PRPS1: variants seen among roughly 807,000 people sequenced by gnomAD.
PRPS1 encodes the protein phosphoribosyl pyrophosphate synthetase 1, also known as ribose-phosphate pyrophosphokinase 1.
A neutral mutation model predicts 16.9 loss-of-function variants in PRPS1; 1 was observed. The observed-to-expected ratio is 0.06, with a 90% CI of 0.02 to 0.28. The LOEUF is 0.28. Ranked by LOEUF, PRPS1 falls within the 10% of genes least tolerant of loss-of-function variation. The pLI is 1.00. For missense variants in PRPS1, 47 were observed against 254.0 expected, an observed-to-expected ratio of 0.19 and a Z score of 5.54; for synonymous variants, 70 against 90.2, an observed-to-expected ratio of 0.78 and a Z score of 1.27.
intron 1 of PRPS1, 98 bp from the exon 2 acceptor site, chrX:107,639,197 C>T (rs1471616949): frequency 2.0e-6 from 2 of 1,011,675 alleles, no homozygotes; most frequent in Admixed American, 2.2e-5. Context: ...TTTCAATCCA[C>T]ACTTGGTTGA....
chrX:107,634,021 A>C (rs960900983), intron 1 of PRPS1, among the ~76,000 whole-genome samples: 1 of 112,145 alleles, frequency 8.9e-6, no homozygotes, highest in Non-Finnish European at 1.9e-5. Context: ...TAGCAGTGAT[A>C]ATTTAATTTT....
intron 6 of PRPS1, among the ~76,000 whole-genome samples, chrX:107,648,102 T>C (rs753900666): frequency 8.9e-6 from 1 of 111,918 alleles, no homozygotes; most frequent in Non-Finnish European, 1.9e-5. Context: ...TACTTTACAG[T>C]ATGTGTTTGT....
intron 1 of PRPS1, among the ~76,000 whole-genome samples, chrX:107,634,741 T>A (rs1360687443): frequency 1.8e-5 from 2 of 111,686 alleles, no homozygotes; most frequent in Non-Finnish European, 3.8e-5. Flanking sequence ...ATTTTTTATA[T>A]TGACTGATAG....
At chrX:107,638,723 A>ATATTTTATTTTATTT (rs749021712) in intron 1 of PRPS1, among the ~76,000 whole-genome samples, 1 of 108,620 alleles carries the variant, frequency 9.2e-6, no homozygotes, top group African/African-American at 3.4e-5. Flanking sequence ...GCCCTCCCAT[A>ATATTTTATTTTATTT]TATTTTATTT....
intron 6 of PRPS1, among the ~76,000 whole-genome samples, chrX:107,648,531 G>T (rs1426901880): frequency 1.9e-5 from 2 of 106,383 alleles, no homozygotes; most frequent in Non-Finnish European, 3.9e-5. Context: ...CAATCATCCT[G>T]TCTCAGCCTC....
At position 107,650,455 on chromosome X, in the gene PRPS1, T is replaced by A. The variant is rs1397267425; in HGVS notation, c.*423T>A. The A allele has an allele frequency of 4.3e-5, 14 of 327,776 alleles. No individual in the cohort carries two copies. Among genetic ancestry groups the A allele is most frequent in the Non-Finnish European group, 6.2e-5 (12 of 193,428 alleles). 27.0% of individuals were successfully genotyped at this position (327,776 alleles called of 1,213,427 possible). ...GTTCTCCCCAAGGTCTATGCTAAATTATAGCAAGAGCCCTGGGCAACCCCA... is the reference window on the plus strand; with the variant it reads ...GTTCTCCCCAAGGTCTATGCTAAATAATAGCAAGAGCCCTGGGCAACCCCA... On this transcript the variant is annotated 3_prime_UTR_variant, in exon 7 of 7. Coordinates refer to ENST00000372435, the MANE Select transcript of PRPS1 (RefSeq NM_002764.4).
At chrX:107,635,862 C>T (rs956772336) in intron 1 of PRPS1, among the ~76,000 whole-genome samples, 5 of 107,073 alleles carry the variant, frequency 4.7e-5, no homozygotes, top group Non-Finnish European at 9.5e-5. Context: ...AGATCGAGAC[C>T]ATCCTGGCCA....
chrX:107,645,031 G>T lies in PRPS1; in HGVS notation c.531-146G>T, dbSNP rs748755073. 9 of 619,986 alleles carry T rather than the reference G, an allele frequency of 1.5e-5. No homozygotes were observed. In the African/African-American group the frequency reaches 2.0e-4, roughly 14 times the overall value. 51.1% of individuals were successfully genotyped at this position (619,986 alleles called of 1,213,427 possible). A position where few individuals can be genotyped will look rare whatever the true frequency, so the allele number is the denominator to read the frequency against. ...GGGTTTCACTGTGTTAGCCAGGATG[G>T]TCTCTATCTCCTGACCTTGTGATCC... On this transcript the variant is annotated intron_variant, in intron 4 of 6. Transcript: ENST00000372435.
At chrX:107,634,808 TCTTA>T (rs1462294711) in intron 1 of PRPS1, among the ~76,000 whole-genome samples, 7 of 108,665 alleles carry the variant, frequency 6.4e-5, no homozygotes, top group African/African-American at 2.4e-4. Flanking sequence ...TGTTTTCTGG[TCTTA>T]CTTGATAATG....
At chrX:107,630,738 AACACACACACAC>A (rs111543861) in intron 1 of PRPS1, among the ~76,000 whole-genome samples, 10 of 95,939 alleles carry the variant, frequency 1.0e-4, no homozygotes, top group Admixed American at 4.6e-4. Flanking sequence ...TTATTTAGGA[AACACACACACAC>A]ACACACACAC....
At chrX:107,636,037 C>T (rs181723083) in intron 1 of PRPS1, among the ~76,000 whole-genome samples, 4,030 of 87,438 alleles carry the variant, frequency 0.046, 293 homozygotes, top group African/African-American at 0.18. Context: ...TCCAGCCTGG[C>T]GACAGAGCGA....
chrX:107,641,472 C>T (rs1002590007), intron 3 of PRPS1, among the ~76,000 whole-genome samples: 1 of 111,417 alleles, frequency 9.0e-6, no homozygotes, highest in African/African-American at 3.3e-5. Context: ...TCTCCTGCCT[C>T]GGCCTCCCAA....
At chrX:107,639,679 G>C (rs372166721) in intron 2 of PRPS1, among the ~76,000 whole-genome samples, 1 of 112,035 alleles carries the variant, frequency 8.9e-6, no homozygotes, top group Non-Finnish European at 1.9e-5. Flanking sequence ...TTTTATTACA[G>C]TGATACATAT....
intron 1 of PRPS1, among the ~76,000 whole-genome samples, chrX:107,635,006 A>AT (rs772628145): frequency 5.5e-5 from 6 of 109,047 alleles, no homozygotes; most frequent in African/African-American, 1.3e-4. Flanking sequence ...CACCTGGCTA[A>AT]TTTTTTTGTA....
intron 2 of PRPS1, among the ~76,000 whole-genome samples, chrX:107,640,370 T>C (rs1925545848): frequency 9.5e-6 from 1 of 105,420 alleles, no homozygotes; most frequent in Non-Finnish European, 1.9e-5. Context: ...AAAAAAGGCA[T>C]GCATGGACTT....
chrX:107,635,445 AT>A (rs397896027), intron 1 of PRPS1, among the ~76,000 whole-genome samples: 165 of 99,420 alleles, frequency 1.7e-3, no homozygotes, highest in Middle Eastern at 5.0e-3. Flanking sequence ...AAATTTTCTG[AT>A]TTTTTTTTTT....
chrX:107,638,271 G>A (rs1025505281), intron 1 of PRPS1, among the ~76,000 whole-genome samples: 1 of 111,169 alleles, frequency 9.0e-6, no homozygotes, highest in South Asian at 3.8e-4. Flanking sequence ...CACCATGCAC[G>A]GCTGATTTTT....
At chrX:107,641,185 G>A in intron 3 of PRPS1, 185 bp downstream of exon 3, 1 of 1,116,600 alleles carries the variant, frequency 9.0e-7, no homozygotes, top group South Asian at 2.0e-5. Flanking sequence ...TGGTTAGATA[G>A]GGAGGCAGTC....
intron 4 of PRPS1, among the ~76,000 whole-genome samples, chrX:107,643,373 A>C (rs1306205221): frequency 1.8e-5 from 2 of 111,977 alleles, no homozygotes; most frequent in Non-Finnish European, 3.8e-5. Flanking sequence ...GTCATATTTA[A>C]TTTGTCGGTC....
Sources: gnomAD v4.1 joint callset for allele counts (sites outside exome capture counted in the v4.1 genomes callset) on GRCh38, gnomAD v4.1.1 for gene constraint, MANE v1.5 for transcripts, NCBI Gene and HGNC (gene_info 2026-07-23, HGNC 2026-07-21) for gene names.